The following CA10 variants were observed in gnomAD, a reference collection of about 807,000 sequenced individuals.
The protein encoded by CA10 is carbonic anhydrase-related protein 10.
CA10 carries 14 observed loss-of-function variants against 44.2 expected under a neutral mutation model. That is an observed-to-expected ratio of 0.32 (90% CI 0.21 to 0.50). The LOEUF is 0.50. Ranked by LOEUF, CA10 falls within the 20% of genes least tolerant of loss-of-function variation. CA10 has a pLI of 0.99. For missense variants in CA10, 350 were observed against 409.7 expected, an observed-to-expected ratio of 0.85 and a Z score of 1.26; for synonymous variants, 159 against 141.6, an observed-to-expected ratio of 1.12 and a Z score of -0.87.
chr17:51,925,124 A>G (rs1337095626), intron 3 of CA10, among the ~76,000 whole-genome samples: 3 of 152,114 alleles, frequency 2.0e-5, no homozygotes, highest in African/African-American at 7.2e-5. Context: ...CCTGGCTTCA[A>G]GTGATCCTCT....
intron 2 of CA10, among the ~76,000 whole-genome samples, chr17:52,045,918 G>A (rs1374864155): frequency 1.3e-5 from 2 of 151,888 alleles, no homozygotes; most frequent in Non-Finnish European, 2.9e-5. Flanking sequence ...CTAGATATGA[G>A]TAATAGGAAT....
chr17:51,751,622 G>A (rs752989427), intron 3 of CA10, among the ~76,000 whole-genome samples: 1 of 152,274 alleles, frequency 6.6e-6, no homozygotes, highest in African/African-American at 2.4e-5. Flanking sequence ...CCAATTCCCA[G>A]AGCCTGGTGG....
Position 51,653,724 on chromosome 17 carries a change from G to A in CA10, c.478C>T (p.His160Tyr). Residue 160 changes from histidine to tyrosine, a missense_variant, in exon 5 of 9, where the codon CAC (histidine) becomes TAC (tyrosine). Coordinates refer to ENST00000451037, the MANE Select transcript of CA10 (RefSeq NM_020178.5). ...TTCGTATATAGCTCATGGTTATAGT[G>A]GATGAGCTGCACCTGGCAGGAGGGA... ...QAFSGEVQLIHYNHELYTNVT... is the reference protein window; with the variant it reads ...QAFSGEVQLIYYNHELYTNVT... 1 of 1,602,420 alleles carries A rather than the reference G, an allele frequency of 6.2e-7. No individual in the cohort carries two copies.
At chr17:51,943,172 A>C (rs1983147834) in intron 2 of CA10, among the ~76,000 whole-genome samples, 1 of 152,166 alleles carries the variant, frequency 6.6e-6, no homozygotes, top group African/African-American at 2.4e-5. Flanking sequence ...TATACCTCTT[A>C]GCACCCCTAA....
intron 2 of CA10, among the ~76,000 whole-genome samples, chr17:52,040,725 G>A (rs990501713): frequency 6.6e-6 from 1 of 151,920 alleles, no homozygotes; most frequent in Non-Finnish European, 1.5e-5. Flanking sequence ...TGAGTGGAGG[G>A]GACAGAGTTC....
chr17:52,039,861 T>C (rs1329599342), intron 2 of CA10, among the ~76,000 whole-genome samples: 1 of 152,118 alleles, frequency 6.6e-6, no homozygotes. Flanking sequence ...AAGAGAGACC[T>C]CATAATGGTC....
chr17:51,706,055 A>G (rs1383441607), intron 4 of CA10, among the ~76,000 whole-genome samples: 1 of 152,214 alleles, frequency 6.6e-6, no homozygotes, highest in African/African-American at 2.4e-5. Flanking sequence ...GGTTGAAGTC[A>G]TAGTTCCAGC....
chr17:52,056,511 G>T (rs899846813), intron 2 of CA10, among the ~76,000 whole-genome samples: 6 of 152,080 alleles, frequency 3.9e-5, no homozygotes, highest in African/African-American at 1.4e-4. Context: ...TCCCATGCTG[G>T]ATACTTGCTG....
At chr17:52,018,881 A>G (rs1315768249) in intron 2 of CA10, among the ~76,000 whole-genome samples, 6 of 152,018 alleles carry the variant, frequency 3.9e-5, no homozygotes, top group Non-Finnish European at 8.8e-5. Context: ...ACGGGGGTAG[A>G]TCCCTCATGA....
rs746462691 is a variant in CA10 at position 51,930,951 on chromosome 17, C to T, written c.279+39G>A. ...TTAGCTTTCAGAATCAAGATGGCCC[C>T]ATCTTCAACTTTACCATGGAAGCAA... On this transcript the variant is annotated intron_variant, in intron 3 of 8. Transcript: ENST00000451037. The T allele has an allele frequency of 2.5e-6, 4 of 1,608,690 alleles. No individual in the cohort carries two copies. In the Admixed American group the frequency reaches 5.0e-5, roughly 20 times the overall value.
chr17:52,043,890 T>C (rs1986837026), intron 2 of CA10, among the ~76,000 whole-genome samples: 1 of 152,154 alleles, frequency 6.6e-6, no homozygotes, highest in Non-Finnish European at 1.5e-5. Context: ...ATCCTTACTT[T>C]CCAGTGATAA....
At chr17:51,800,343 G>A (rs1313808380) in intron 3 of CA10, among the ~76,000 whole-genome samples, 4 of 152,148 alleles carry the variant, frequency 2.6e-5, no homozygotes, top group African/African-American at 9.7e-5. Context: ...GTCTGGGTGG[G>A]TCAGAGGGAA....
chr17:51,670,658 C>T (rs781193955), intron 4 of CA10, among the ~76,000 whole-genome samples: 2 of 152,140 alleles, frequency 1.3e-5, no homozygotes, highest in African/African-American at 2.4e-5. Flanking sequence ...TTTCCAGGTG[C>T]TTGTCTCTTA....
chr17:52,005,295 G>C (rs1339454465), intron 2 of CA10, among the ~76,000 whole-genome samples: 2 of 151,826 alleles, frequency 1.3e-5, no homozygotes, highest in African/African-American at 4.8e-5. Context: ...CCACATTACT[G>C]TTGTGACATT....
At chr17:52,081,440 C>A (rs1219257143) in intron 1 of CA10, among the ~76,000 whole-genome samples, 1 of 152,082 alleles carries the variant, frequency 6.6e-6, no homozygotes, top group Admixed American at 6.5e-5. Flanking sequence ...ATGTAAGTAG[C>A]GGCCCAAGAG....
intron 3 of CA10, among the ~76,000 whole-genome samples, chr17:51,908,926 A>G (rs914459131): frequency 6.6e-6 from 1 of 152,114 alleles, no homozygotes; most frequent in Non-Finnish European, 1.5e-5. Context: ...ATATCGACAC[A>G]AAGACATTAG....
intron 3 of CA10, among the ~76,000 whole-genome samples, chr17:51,821,126 C>T (rs1376012052): frequency 2.2e-5 from 3 of 134,354 alleles, no homozygotes; most frequent in Non-Finnish European, 4.8e-5. Context: ...TCCTCCCTTC[C>T]CTCCCTCCCT....
At chr17:51,870,616 C>G (rs1353722245) in intron 3 of CA10, among the ~76,000 whole-genome samples, 1 of 152,170 alleles carries the variant, frequency 6.6e-6, no homozygotes, top group East Asian at 1.9e-4. Flanking sequence ...TGTAAGCACA[C>G]ATTTATTATA....
At chr17:51,808,452 A>G (rs1907220308) in intron 3 of CA10, among the ~76,000 whole-genome samples, 1 of 152,162 alleles carries the variant, frequency 6.6e-6, no homozygotes, top group Admixed American at 6.5e-5. Context: ...TTACCCATCC[A>G]AAAGTTCTAC....
Sources: allele counts gnomAD v4.1 joint callset (sites outside exome capture counted in the v4.1 genomes callset), GRCh38; gene constraint gnomAD v4.1.1; transcripts MANE v1.5; gene names NCBI Gene and HGNC (gene_info 2026-07-23, HGNC 2026-07-21).